CTTNBP2: variants seen among roughly 807,000 people sequenced by gnomAD.
The protein encoded by CTTNBP2 is cortactin binding protein 2.
CTTNBP2 carries 108 observed loss-of-function variants against 156.9 expected under a neutral mutation model. The observed-to-expected ratio is 0.69, with a 90% CI of 0.59 to 0.81. The LOEUF (loss-of-function observed/expected upper bound fraction) is 0.81. CTTNBP2 is among the 30% of genes least tolerant of loss of function. The pLI is 0.00. For synonymous variants in CTTNBP2, 767 were observed against 751.8 expected (o/e 1.02, Z -0.33); for missense variants, 1,924 against 2,035.4 (o/e 0.95, Z 1.05).
At chr7:117,863,236 A>G (rs1803891229) in intron 1 of CTTNBP2, among the ~76,000 whole-genome samples, 1 of 152,244 alleles carries the variant, frequency 6.6e-6, no homozygotes, top group Non-Finnish European at 1.5e-5. Flanking sequence ...CTTTTTGCAT[A>G]TACACTAGAC....
chr7:117,752,594 T>C (rs1017404070), intron 12 of CTTNBP2, among the ~76,000 whole-genome samples: 2 of 152,148 alleles, frequency 1.3e-5, no homozygotes, highest in African/African-American at 4.8e-5. Flanking sequence ...TGATTTAAAG[T>C]CTTCACTACA....
intron 19 of CTTNBP2, 125 bp from the exon 20 acceptor site, chr7:117,721,255 T>C (rs1794773578): frequency 4.6e-6 from 3 of 656,826 alleles, no homozygotes; most frequent in Non-Finnish European, 8.0e-6. Context: ...GTATCCAGGA[T>C]TTGAGGAGAT....
intron 14 of CTTNBP2, among the ~76,000 whole-genome samples, chr7:117,743,716 C>T (rs1405275875): frequency 2.4e-5 from 3 of 124,622 alleles, no homozygotes; most frequent in East Asian, 2.4e-4. Context: ...GAGCCGAGAT[C>T]GTGCCACCAC....
At chr7:117,758,016 G>T in intron 10 of CTTNBP2, 46 bp from the exon 11 acceptor site, 1 of 1,420,512 alleles carries the variant, frequency 7.0e-7, no homozygotes, top group South Asian at 1.2e-5. Context: ...GCTTATGAGT[G>T]GTTTTTCTCA....
rs369481934 is a variant in CTTNBP2, at chr7:117,756,542, A to G, written c.3348+13T>C. On this transcript the variant is annotated intron_variant, in intron 12 of 22. Transcript: ENST00000160373. ...TGGAAAACACAGGTCTCCACCCAGC[A>G]GTGTCCACCTACCAGCCTGAGGTAG... 7 of 1,598,026 alleles carry G rather than the reference A, an allele frequency of 4.4e-6. No individual in the cohort carries two copies. The African/African-American group carries it at 9.4e-5, about 21-fold the overall frequency.
At chr7:117,780,793 A>G (rs1465278152) in intron 6 of CTTNBP2, among the ~76,000 whole-genome samples, 1 of 152,240 alleles carries the variant, frequency 6.6e-6, no homozygotes, top group African/African-American at 2.4e-5. Context: ...TATTCTAATC[A>G]TAAAATTTAA....
intron 9 of CTTNBP2, among the ~76,000 whole-genome samples, chr7:117,763,438 C>T (rs538761918): frequency 2.6e-5 from 4 of 151,930 alleles, no homozygotes; most frequent in African/African-American, 7.2e-5. Context: ...CAAATGCAAT[C>T]GACTCTTTTT....
intron 2 of CTTNBP2, among the ~76,000 whole-genome samples, chr7:117,860,224 G>A (rs1803621129): frequency 6.6e-6 from 1 of 151,806 alleles, no homozygotes; most frequent in Non-Finnish European, 1.5e-5. Context: ...AAATAGAAAA[G>A]AAGGAAAAAA....
chr7:117,757,788 G>T (rs764255302), intron 11 of CTTNBP2, 87 bp downstream of exon 11: 108 of 798,556 alleles, frequency 1.4e-4, no homozygotes, highest in Non-Finnish European at 2.0e-4. Flanking sequence ...GACATGGGAT[G>T]AAACGTGAAG....
intron 2 of CTTNBP2, among the ~76,000 whole-genome samples, chr7:117,855,606 C>T (rs1182701940): frequency 2.0e-5 from 3 of 152,128 alleles, no homozygotes; most frequent in Non-Finnish European, 4.4e-5. Flanking sequence ...TGCAGGACAG[C>T]TCCCCCCAAA....
In CTTNBP2 at chr7:117,757,924, C is replaced by T; in HGVS notation, c.3219G>A (p.Trp1073Ter). 1 of 1,613,452 alleles carries T rather than the reference C, an allele frequency of 6.2e-7. No homozygotes were observed. The highest frequency in any genetic ancestry group is 8.5e-7 in the Non-Finnish European group (1 of 1,179,828). The change falls in exon 11 of 23, where the codon TGG becomes TGA. Residue 1073 changes from tryptophan to a stop codon, truncating the protein, a stop_gained. Transcript: ENST00000160373. LOFTEE classifies it high-confidence loss of function. ...CTGCCTTATTCTTCCTCATAAAGTCCCACGGGGACTGCGCGAAGCTCTGAC... is the reference window on the plus strand; with the variant it reads ...CTGCCTTATTCTTCCTCATAAAGTCTCACGGGGACTGCGCGAAGCTCTGAC... ...SVGQSFAQSP[W>*]DFMRKNKAEH... is the part of the protein sequence containing the mutation.
intron 1 of CTTNBP2, among the ~76,000 whole-genome samples, chr7:117,864,324 T>A (rs1255124476): frequency 6.6e-6 from 1 of 152,128 alleles, no homozygotes; most frequent in East Asian, 1.9e-4. Flanking sequence ...AAACATACAG[T>A]GCATCTGTCT....
chr7:117,758,058 A>G, intron 10 of CTTNBP2, 88 bp from the exon 11 acceptor site: 1 of 910,940 alleles, frequency 1.1e-6, no homozygotes, highest in Non-Finnish European at 1.7e-6. Context: ...TTCTGTGAGA[A>G]CCCTAAGGAA....
At chr7:117,862,140 C>T (rs949445476) in intron 1 of CTTNBP2, among the ~76,000 whole-genome samples, 4 of 152,118 alleles carry the variant, frequency 2.6e-5, no homozygotes, top group Admixed American at 2.0e-4. Flanking sequence ...GTCATCTGGG[C>T]TGCCATAGTC....
At chr7:117,762,026 C>A (rs995995070) in intron 9 of CTTNBP2, among the ~76,000 whole-genome samples, 1 of 152,140 alleles carries the variant, frequency 6.6e-6, no homozygotes, top group Non-Finnish European at 1.5e-5. Flanking sequence ...CCTTGATATA[C>A]TCCTCCTGGA....
At chr7:117,793,864 G>T (rs553433497) in intron 3 of CTTNBP2, among the ~76,000 whole-genome samples, 1 of 152,304 alleles carries the variant, frequency 6.6e-6, no homozygotes, top group South Asian at 2.1e-4. Flanking sequence ...AGCACAAGAG[G>T]TTGGCTTGTT....
chr7:117,749,284 C>T (rs539135748), intron 12 of CTTNBP2, among the ~76,000 whole-genome samples: 111 of 152,308 alleles, frequency 7.3e-4, no homozygotes, highest in African/African-American at 2.6e-3. Flanking sequence ...CCACTGGCTT[C>T]ACTGGCTGTC....
At chr7:117,847,887 T>C (rs1170301266) in intron 2 of CTTNBP2, among the ~76,000 whole-genome samples, 1 of 148,538 alleles carries the variant, frequency 6.7e-6, no homozygotes, top group Non-Finnish European at 1.5e-5. Context: ...GGTGTAATCT[T>C]GGCTCACAGC....
At chr7:117,811,844 A>G (rs1408488439) in intron 2 of CTTNBP2, among the ~76,000 whole-genome samples, 1 of 59,556 alleles carries the variant, frequency 1.7e-5, no homozygotes, top group South Asian at 3.7e-4. Flanking sequence ...TTTTAATTAA[A>G]TTAAAATTTT....
Sources: allele counts gnomAD v4.1 joint callset (sites outside exome capture counted in the v4.1 genomes callset), GRCh38; gene constraint gnomAD v4.1.1; transcripts MANE v1.5; gene names NCBI Gene and HGNC (gene_info 2026-07-23, HGNC 2026-07-21).